The following MARK3 variants were observed in gnomAD, a reference collection of about 807,000 sequenced individuals.
The protein encoded by MARK3 is microtubule affinity regulating kinase 3.
In MARK3, 46 loss-of-function variants were observed where a neutral mutation model predicts 90.1. The observed-to-expected ratio is 0.51, with a 90% CI of 0.40 to 0.65. The LOEUF is 0.65. Among genes scored for constraint, MARK3 ranks in the 30% least tolerant of loss-of-function variants. The pLI, the probability that MARK3 is intolerant of heterozygous loss-of-function variation, is 0.00. For missense variants in MARK3, 818 were observed against 947.2 expected, an observed-to-expected ratio of 0.86 and a Z score of 1.79; for synonymous variants, 321 against 332.6, an observed-to-expected ratio of 0.97 and a Z score of 0.38.
chr14:103,412,790 G>A, intron 2 of MARK3: 3 of 447,146 alleles, frequency 6.7e-6, no homozygotes, highest in Non-Finnish European at 1.3e-5. Flanking sequence ...AACCAGAAAA[G>A]AGGGTTTAGT....
chr14:103,465,461 A>G, intron 7 of MARK3, 96 bp from the exon 8 acceptor site: 1 of 796,654 alleles, frequency 1.3e-6, no homozygotes, highest in East Asian at 2.5e-5. Flanking sequence ...GTAACTTCAT[A>G]TCATTACAGA....
chr14:103,400,404 A>G (rs1212870664), intron 1 of MARK3, among the ~76,000 whole-genome samples: 1 of 152,310 alleles, frequency 6.6e-6, no homozygotes, highest in African/African-American at 2.4e-5. Context: ...CACGTGTTCA[A>G]CTTCTTGAAG....
At chr14:103,486,683 G>C (rs2093935150) in intron 14 of MARK3, among the ~76,000 whole-genome samples, 1 of 152,008 alleles carries the variant, frequency 6.6e-6, no homozygotes, top group Non-Finnish European at 1.5e-5. Context: ...GTGATGTTGG[G>C]GCTGCCTGTT....
At chr14:103,413,065 G>A (rs2091752342) in intron 2 of MARK3, among the ~76,000 whole-genome samples, 1 of 151,712 alleles carries the variant, frequency 6.6e-6, no homozygotes, top group Non-Finnish European at 1.5e-5. Flanking sequence ...AGTAGAGACG[G>A]GTTTCTCCAT....
chr14:103,426,269 CTT>C (rs61014395), intron 2 of MARK3, among the ~76,000 whole-genome samples: 3,225 of 143,872 alleles, frequency 0.022, 117 homozygotes, highest in African/African-American at 0.079. Context: ...TTGTTAAATA[CTT>C]TTTTTTTTTT....
At chr14:103,487,931 C>T (rs2093957250) in intron 14 of MARK3, among the ~76,000 whole-genome samples, 1 of 151,876 alleles carries the variant, frequency 6.6e-6, no homozygotes, top group Admixed American at 6.6e-5. Flanking sequence ...GCCTGTAGTC[C>T]CAGCTACTTG....
intron 8 of MARK3, 88 bp downstream of exon 8, chr14:103,465,881 G>A: frequency 6.4e-7 from 1 of 1,551,992 alleles, no homozygotes; most frequent in South Asian, 1.2e-5. Flanking sequence ...TTATATCAGT[G>A]CGGGGGGTTT....
chr14:103,458,336 G>A (rs1008073061), intron 6 of MARK3, among the ~76,000 whole-genome samples: 1 of 151,338 alleles, frequency 6.6e-6, no homozygotes, highest in Non-Finnish European at 1.5e-5. Flanking sequence ...GCAGGTGCCT[G>A]TAATCCCAGC....
chr14:103,440,344 G>C (rs2092819718), intron 3 of MARK3, among the ~76,000 whole-genome samples: 1 of 152,214 alleles, frequency 6.6e-6, no homozygotes, highest in African/African-American at 2.4e-5. Flanking sequence ...GTATCACAGA[G>C]TCTGTCTGCA....
intron 12 of MARK3, among the ~76,000 whole-genome samples, chr14:103,471,693 C>T (rs188748072): frequency 4.2e-4 from 64 of 152,074 alleles, no homozygotes; most frequent in Admixed American, 4.2e-3. Context: ...TGTCCTTCCT[C>T]GTTTGAGACC....
intron 1 of MARK3, among the ~76,000 whole-genome samples, chr14:103,401,642 A>G (rs972561342): frequency 1.3e-5 from 2 of 152,176 alleles, no homozygotes; most frequent in African/African-American, 2.4e-5. Context: ...ATTCATTTTC[A>G]CTCACAGGAT....
chr14:103,453,526 A>T (rs1348440199), intron 5 of MARK3, among the ~76,000 whole-genome samples: 1 of 152,254 alleles, frequency 6.6e-6, no homozygotes, highest in Non-Finnish European at 1.5e-5. Flanking sequence ...AATGAGTTGT[A>T]GTAAGCATAC....
chr14:103,491,035 C>T, intron 14 of MARK3: 1 of 1,288,642 alleles, frequency 7.8e-7, no homozygotes, highest in Admixed American at 2.3e-5. Flanking sequence ...AAGTCGATGT[C>T]CATGTCAGCC....
chr14:103,475,067 G>C lies in MARK3; in HGVS notation c.1339G>C (p.Glu447Gln), dbSNP rs369090535. 5.6e-6 allele frequency: 9 copies of C among 1,614,108 alleles called. No individual in the cohort carries two copies. The African/African-American group carries it at 8.0e-5, about 14-fold the overall frequency. The change falls in exon 13 of 18, where the codon GAA becomes CAA. Residue 447 changes from glutamate to glutamine, a missense_variant. Coordinates refer to ENST00000429436, the MANE Select transcript of MARK3 (RefSeq NM_001128918.3). ...QTSTADSDLK[E>Q]DGISSRKSSG... ...CAGCACTGCAGATAGTGACCTCAAA[G>C]AAGATGGAATTTCCTCCCGGAAATC...
intron 3 of MARK3, among the ~76,000 whole-genome samples, 158 bp from the exon 4 acceptor site, chr14:103,448,760 AT>A (rs1256645032): frequency 6.6e-6 from 1 of 152,220 alleles, no homozygotes; most frequent in Non-Finnish European, 1.5e-5. Flanking sequence ...CTTCAGAGAT[AT>A]TCTGGACTTT....
chr14:103,442,947 C>T (rs1424799731), intron 3 of MARK3, among the ~76,000 whole-genome samples: 1 of 150,292 alleles, frequency 6.7e-6, no homozygotes, highest in Non-Finnish European at 1.5e-5. Context: ...GGGTGTCCCC[C>T]CCCCTCCCAC....
intron 3 of MARK3, among the ~76,000 whole-genome samples, chr14:103,447,784 G>T (rs1191626918): frequency 6.6e-6 from 1 of 150,444 alleles, no homozygotes; most frequent in African/African-American, 2.4e-5. Flanking sequence ...TTTTTTGTTT[G>T]TTTTTTTTTG....
intron 3 of MARK3, among the ~76,000 whole-genome samples, chr14:103,447,938 A>T (rs892150260): frequency 1.3e-5 from 2 of 151,846 alleles, no homozygotes; most frequent in Non-Finnish European, 2.9e-5. Context: ...GCACCCAGCT[A>T]ATTTCTGTAT....
chr14:103,467,842 C>T, intron 11 of MARK3, 191 bp from the exon 12 acceptor site: 1 of 488,450 alleles, frequency 2.0e-6, no homozygotes, highest in African/African-American at 2.0e-5. Flanking sequence ...AATACCTTAC[C>T]TTTAGTGTCT....
Sources: allele counts gnomAD v4.1 joint callset (sites outside exome capture counted in the v4.1 genomes callset), GRCh38; gene constraint gnomAD v4.1.1; transcripts MANE v1.5; gene names NCBI Gene and HGNC (gene_info 2026-07-23, HGNC 2026-07-21).